Variants in SMIM10L3 observed in about 807,000 individuals in gnomAD.
The protein encoded by SMIM10L3 is small integral membrane protein 10 like 3.
At chr7:6,340,702 A>G in the SMIM10L3 span, among the ~76,000 whole-genome samples, 1 of 151,890 alleles carries the variant, frequency 6.6e-6, no homozygotes, top group African/African-American at 2.4e-5. Context: ...GATCGAGACC[A>G]TCCTGGCTAA....
the SMIM10L3 span, chr7:6,330,690 C>T: frequency 6.2e-7 from 1 of 1,614,102 alleles, no homozygotes; most frequent in Non-Finnish European, 8.5e-7. Context: ...GATGGCGTGG[C>T]AGTCGTGACA....
chr7:6,343,397 CATATATATATATATATATATAT>C, the SMIM10L3 span, among the ~76,000 whole-genome samples: 2,227 of 86,990 alleles, frequency 0.026, 79 homozygotes, highest in African/African-American at 0.077. Flanking sequence ...ATAATAATTT[CATATATATATATATATATATAT>C]ATATATATAT....
At chr7:6,342,220 C>A in the SMIM10L3 span, among the ~76,000 whole-genome samples, 1 of 151,890 alleles carries the variant, frequency 6.6e-6, no homozygotes, top group African/African-American at 2.4e-5. Flanking sequence ...TTCTTACTTT[C>A]TCTTTCTCTC....
the SMIM10L3 span, among the ~76,000 whole-genome samples, chr7:6,339,590 T>G: frequency 2.6e-5 from 4 of 151,770 alleles, no homozygotes; most frequent in South Asian, 8.3e-4. Flanking sequence ...TTCACGCCAT[T>G]CCGCTGCCTC....
the SMIM10L3 span, among the ~76,000 whole-genome samples, chr7:6,340,139 C>A: frequency 6.6e-6 from 1 of 152,126 alleles, no homozygotes; most frequent in Non-Finnish European, 1.5e-5. Context: ...CCCGCCTCGG[C>A]CTCCCAAAGT....
chr7:6,348,766 C>T, the SMIM10L3 span: 3 of 398,894 alleles, frequency 7.5e-6, no homozygotes, highest in Non-Finnish European at 1.3e-5. Flanking sequence ...CATATAGAGA[C>T]CGGCGCTCCC....
the SMIM10L3 span, chr7:6,348,433 A>G: frequency 1.0e-5 from 4 of 396,614 alleles, no homozygotes; most frequent in East Asian, 1.1e-4. Context: ...ATCTCCCCAA[A>G]GTAGGGTCGC....
the SMIM10L3 span, chr7:6,330,565 T>A: frequency 3.7e-6 from 6 of 1,614,186 alleles, no homozygotes; most frequent in Non-Finnish European, 5.1e-6. Context: ...GGGATACACG[T>A]GCAGCGTTGC....
At chr7:6,330,646 T>A in the SMIM10L3 span, 1 of 1,614,050 alleles carries the variant, frequency 6.2e-7, no homozygotes, top group Non-Finnish European at 8.5e-7. Context: ...ACTTGGTGGG[T>A]CATCCTGAAA....
chr7:6,333,114 A>C, the SMIM10L3 span, among the ~76,000 whole-genome samples: 1 of 151,394 alleles, frequency 6.6e-6, no homozygotes, highest in Non-Finnish European at 1.5e-5. Flanking sequence ...CCGAGATCCC[A>C]CCACTGCACT....
chr7:6,347,588 C>G, the SMIM10L3 span, among the ~76,000 whole-genome samples: 3 of 151,988 alleles, frequency 2.0e-5, no homozygotes, highest in Non-Finnish European at 4.4e-5. Context: ...TGAGCATACT[C>G]TAAGATCAGC....
chr7:6,341,722 G>A, the SMIM10L3 span, among the ~76,000 whole-genome samples: 3 of 151,806 alleles, frequency 2.0e-5, no homozygotes, highest in South Asian at 4.2e-4. Context: ...TGCGCGCCAG[G>A]TGCAGTGGCT....
chr7:6,334,450 A>C, the SMIM10L3 span, among the ~76,000 whole-genome samples: 1 of 151,880 alleles, frequency 6.6e-6, no homozygotes, highest in East Asian at 2.0e-4. Context: ...GCAGGAGAAC[A>C]GCTTGAGTCC....
the SMIM10L3 span, among the ~76,000 whole-genome samples, chr7:6,339,096 T>A: frequency 6.6e-6 from 1 of 152,202 alleles, no homozygotes; most frequent in Non-Finnish European, 1.5e-5. Context: ...ACAGCACTTC[T>A]AAATTAGGCT....
At chr7:6,346,306 C>T in the SMIM10L3 span, among the ~76,000 whole-genome samples, 1 of 152,288 alleles carries the variant, frequency 6.6e-6, no homozygotes, top group East Asian at 1.9e-4. Context: ...CAGAATGCTA[C>T]AAGCCCTTGA....
At chr7:6,330,944 C>T in the SMIM10L3 span, 221,830 of 1,614,080 alleles carry the variant, frequency 0.14, 16,704 homozygotes, top group African/African-American at 0.23. Context: ...AGGCCAGCCC[C>T]GCTCGGATCC....
the SMIM10L3 span, chr7:6,329,983 A>AT: frequency 4.7e-6 from 1 of 214,256 alleles, no homozygotes; most frequent in Non-Finnish European, 1.0e-5. Flanking sequence ...AGTGGTGTAG[A>AT]CTTTACAAGT....
the SMIM10L3 span, among the ~76,000 whole-genome samples, chr7:6,346,879 G>A: frequency 7.8e-4 from 119 of 152,250 alleles, no homozygotes; most frequent in Middle Eastern, 6.8e-3. Flanking sequence ...GCACGCCAGG[G>A]AGCAACCCAA....
the SMIM10L3 span, among the ~76,000 whole-genome samples, chr7:6,339,476 G>A: frequency 7.5e-3 from 1,136 of 151,676 alleles, 7 homozygotes; most frequent in African/African-American, 0.026. Flanking sequence ...AACCAGCTGT[G>A]TACCCCTTTT....
Sources: gnomAD v4.1 joint callset for allele counts (sites outside exome capture counted in the v4.1 genomes callset) on GRCh38, gnomAD v4.1.1 for gene constraint, MANE v1.5 for transcripts, NCBI Gene and HGNC (gene_info 2026-07-23, HGNC 2026-07-21) for gene names.